PET117: variants seen among roughly 807,000 people sequenced by gnomAD.
The protein encoded by PET117 is PET117 cytochrome c oxidase chaperone.
In PET117, 10 loss-of-function variants were observed where a neutral mutation model predicts 9.2. The ratio of observed to expected loss-of-function variants is 1.09; its 90% CI spans 0.67 to 1.85. The LOEUF (loss-of-function observed/expected upper bound fraction) is 1.85, where lower values mean the gene tolerates loss of function less well. PET117 is among the 40% of genes most tolerant of loss of function. PET117 has a pLI of 0.00. For missense variants in PET117, 96 were observed against 98.2 expected, an observed-to-expected ratio of 0.98 and a Z score of 0.09; for synonymous variants, 43 against 37.1, an observed-to-expected ratio of 1.16 and a Z score of -0.57.
rs534526366 is a variant in PET117 at position 18,141,573 on chromosome 20, A to G, written c.97-635A>G. ...ACTCGCCAAGTTTTTAAAGCATTAC[A>G]TATCAATTAAACTTTAAAAATTTAA... On this transcript the variant is annotated intron_variant, in intron 1 of 1. Transcript: ENST00000432901. Among the ~76,000 whole-genome samples the G allele has an allele frequency of 1.6e-3, 239 of 152,340 alleles. 1 individual carries two copies. The highest frequency in any genetic ancestry group is 5.4e-3 in the African/African-American group (225 of 41,574).
intron 1 of PET117, among the ~76,000 whole-genome samples, chr20:18,141,038 TTTTTTTTTA>T (rs1568661506): frequency 1.3e-4 from 4 of 31,598 alleles, no homozygotes; most frequent in African/African-American, 2.3e-4. Flanking sequence ...TTTTTTTTTT[TTTTTTTTTA>T]TTTTTATTTT....
At chr20:18,139,318 T>C (rs960632701) in intron 1 of PET117, among the ~76,000 whole-genome samples, 1 of 152,156 alleles carries the variant, frequency 6.6e-6, no homozygotes, top group African/African-American at 2.4e-5. Context: ...CTGGGAAAAC[T>C]TGAGATGGAG....
At position 18,142,215 on chromosome 20, in the gene PET117, G is replaced by C. The variant is rs754616615; in HGVS notation, c.104G>C (p.Arg35Pro). ...VKQQWDQQRL[R>P]DGVIRDIERQ... ...TGTTTCTTACGTTTTTAGAGGCTTC[G>C]TGACGGAGTTATCAGAGACATTGAG... The change falls in exon 2 of 2, where the codon CGT becomes CCT. Residue 35 changes from arginine (R) to proline (P), a missense_variant. Transcript: ENST00000432901. The C allele has an allele frequency of 5.5e-5, 85 of 1,536,856 alleles. No individual in the cohort carries two copies. The highest frequency in any genetic ancestry group is 7.0e-5 in the Non-Finnish European group (80 of 1,146,784).
chr20:18,142,946 T>C lies in PET117; in HGVS notation c.*589T>C. On this transcript the variant is annotated 3_prime_UTR_variant, in exon 2 of 2. Transcript: ENST00000432901. Reference sequence around the variant, plus strand: ...TAAGGAGCTTCTCAATTCCTTTGATTTGTCAATTCCTGTGTGAAGGTTTGT... The same window carrying C: ...TAAGGAGCTTCTCAATTCCTTTGATCTGTCAATTCCTGTGTGAAGGTTTGT... 6.2e-7 allele frequency: 1 copy of C among 1,607,812 alleles called. No individual in the cohort carries two copies. The highest frequency in any genetic ancestry group is 8.5e-7 in the Non-Finnish European group (1 of 1,174,794).
At position 18,142,251 on chromosome 20, in the gene PET117, G is replaced by A. The variant is rs1365049283; in HGVS notation, c.140G>A (p.Arg47Gln). Residue 47 changes from arginine to glutamine, a missense_variant, in exon 2 of 2, where the codon CGG becomes CAG. Physicochemically the swap from Arg to Gln is conservative, Grantham distance 43. Transcript: ENST00000432901. ...GVIRDIERQI[R>Q]KKENIRLLGE... ...ATCAGAGACATTGAGAGGCAAATTC[G>A]GAAAAAAGAAAACATTCGTCTTTTG... The A allele has an allele frequency of 4.6e-6, 7 of 1,536,890 alleles. No homozygotes were observed. Among genetic ancestry groups the A allele is most frequent in the South Asian group, 2.4e-5 (2 of 84,054 alleles).
In PET117 at chr20:18,142,698, G is replaced by A. The variant is rs776626826; in HGVS notation, c.*341G>A. On this transcript the variant is annotated 3_prime_UTR_variant, in exon 2 of 2. Coordinates refer to ENST00000432901, the MANE Select transcript of PET117 (RefSeq NM_001164811.2). Reference sequence around the variant, plus strand: ...ATCCACCTGAGTAGTCTGATCAGTCGGCATGATGACGAAGCCACGAGAACA... The same window carrying A: ...ATCCACCTGAGTAGTCTGATCAGTCAGCATGATGACGAAGCCACGAGAACA... 12 of 1,614,158 alleles carry A rather than the reference G, an allele frequency of 7.4e-6. No homozygotes were observed. The highest frequency in any genetic ancestry group is 1.7e-5 in the Admixed American group (1 of 60,018).
rs776339670 is a variant in PET117 at position 18,142,298 on chromosome 20, G to A, written c.187G>A (p.Glu63Lys). 1.5e-5 allele frequency: 23 copies of A among 1,537,118 alleles called. No individual in the cohort carries two copies. Among genetic ancestry groups the A allele is most frequent in the Non-Finnish European group, 2.0e-5 (23 of 1,146,872 alleles). The part of the protein sequence containing the change: ...RLLGEQIILT[E>K]QLEAEREKML... ...TTTGGGAGAACAGATTATTTTGACT[G>A]AGCAACTTGAAGCAGAAAGAGAGAA... is the stretch of plus-strand genomic sequence containing the variant. The change falls in exon 2 of 2, where the codon GAG (glutamate) becomes AAG (lysine). Residue 63 changes from glutamate to lysine, a missense_variant. By Grantham distance (56) the Glu-to-Lys change is moderately conservative. Transcript: ENST00000432901.
chr20:18,139,166 C>T (rs2037423347), intron 1 of PET117, among the ~76,000 whole-genome samples: 1 of 152,070 alleles, frequency 6.6e-6, no homozygotes. Context: ...AGAATTTTGA[C>T]GAGGGGTTGA....
intron 1 of PET117, among the ~76,000 whole-genome samples, chr20:18,141,921 A>G (rs1339348099): frequency 1.3e-5 from 2 of 151,844 alleles, no homozygotes; most frequent in South Asian, 2.1e-4. Context: ...ACATAGTGCC[A>G]GTTTTTTTTT....
intron 1 of PET117, among the ~76,000 whole-genome samples, chr20:18,141,040 T>TA (rs1251093875): frequency 1.8e-5 from 1 of 55,152 alleles, no homozygotes; most frequent in Non-Finnish European, 3.5e-5. Flanking sequence ...TTTTTTTTTT[T>TA]TTTTTTATTT....
intron 1 of PET117, among the ~76,000 whole-genome samples, chr20:18,140,101 C>T (rs935524983): frequency 2.6e-5 from 4 of 152,018 alleles, no homozygotes; most frequent in Admixed American, 2.6e-4. Flanking sequence ...ATCATAAGCA[C>T]ACGTGACATC....
At chr20:18,139,070 A>ATAT (rs1409462509) in intron 1 of PET117, among the ~76,000 whole-genome samples, 1 of 152,208 alleles carries the variant, frequency 6.6e-6, no homozygotes, top group African/African-American at 2.4e-5. Flanking sequence ...TATGTGCTTG[A>ATAT]TATACAGAGA....
chr20:18,142,572 G>A lies in PET117; in HGVS notation c.*215G>A, dbSNP rs1180094994. ...GACACTTTTTGGAAGAGTCTGTCTG[G>A]GTGATCCTGGTAGAAGCCCCATTAG... is the stretch of plus-strand genomic sequence containing the variant. On this transcript the variant is annotated 3_prime_UTR_variant, in exon 2 of 2. Coordinates refer to ENST00000432901, the MANE Select transcript of PET117 (RefSeq NM_001164811.2). 3.8e-6 allele frequency: 6 copies of A among 1,561,140 alleles called. No homozygotes were observed. Among genetic ancestry groups the A allele is most frequent in the Non-Finnish European group, 5.2e-6 (6 of 1,152,040 alleles).
chr20:18,142,919 A>T lies in PET117; in HGVS notation c.*562A>T. The T allele has an allele frequency of 1.2e-6, 2 of 1,612,764 alleles. No homozygotes were observed. The highest frequency in any genetic ancestry group is 1.7e-6 in the Non-Finnish European group (2 of 1,178,734). ...CAAGTGCCAAAAATGGATACCAGCCAGTAAGGAGCTTCTCAATTCCTTTGA... is the reference window on the plus strand; with the variant it reads ...CAAGTGCCAAAAATGGATACCAGCCTGTAAGGAGCTTCTCAATTCCTTTGA... On this transcript the variant is annotated 3_prime_UTR_variant, in exon 2 of 2. Transcript: ENST00000432901.
At position 18,142,981 on chromosome 20, in the gene PET117, C is replaced by A; in HGVS notation, c.*624C>A. On this transcript the variant is annotated 3_prime_UTR_variant, in exon 2 of 2. Coordinates refer to ENST00000432901, the MANE Select transcript of PET117 (RefSeq NM_001164811.2). ...CTGTGTGAAGGTTTGTTTTTCCAAC[C>A]TGTGAAAGAAACGTGAATGTAAAAG... 1 of 1,582,406 alleles carries A rather than the reference C, an allele frequency of 6.3e-7. No individual in the cohort carries two copies. The highest frequency in any genetic ancestry group is 1.1e-5 in the South Asian group (1 of 88,236).
At position 18,142,811 on chromosome 20, in the gene PET117, T is replaced by C. The variant is rs773504576; in HGVS notation, c.*454T>C. ...CGAGGATCAGGCATCAGTGGACTTA[T>C]CGCACGACCAGAGTGGGGATTCCCT... On this transcript the variant is annotated 3_prime_UTR_variant, in exon 2 of 2. Transcript: ENST00000432901. 8.1e-6 allele frequency: 13 copies of C among 1,614,030 alleles called. No homozygotes were observed. Among genetic ancestry groups the C allele is most frequent in the South Asian group, 7.7e-5 (7 of 91,084 alleles).
chr20:18,137,979 G>T lies in PET117; in HGVS notation c.24G>T (p.Val8=). Reference sequence around the variant, plus strand: ...GGATGTCTAGGAGCTCGAAGGTGGTGCTGGGCCTCTCGGTGCTGCTGACGG... The same window carrying T: ...GGATGTCTAGGAGCTCGAAGGTGGTTCTGGGCCTCTCGGTGCTGCTGACGG... MSRSSKV[V]LGLSVLLTAA... Residue 8 remains valine, a synonymous_variant, in exon 1 of 2, where the codon GTG becomes GTT. Transcript: ENST00000432901. The T allele has an allele frequency of 1.3e-6, 2 of 1,506,034 alleles. No individual in the cohort carries two copies. The highest frequency in any genetic ancestry group is 1.8e-6 in the Non-Finnish European group (2 of 1,134,254). 93.3% of individuals were successfully genotyped at this position (1,506,034 alleles called of 1,614,324 possible).
intron 1 of PET117, among the ~76,000 whole-genome samples, chr20:18,140,314 G>C (rs1299237948): frequency 6.6e-6 from 1 of 152,100 alleles, no homozygotes; most frequent in Non-Finnish European, 1.5e-5. Flanking sequence ...CAAGACAGTT[G>C]TGTTTCAGTT....
At chr20:18,139,724 T>C (rs946930984) in intron 1 of PET117, among the ~76,000 whole-genome samples, 3 of 151,834 alleles carry the variant, frequency 2.0e-5, no homozygotes, top group African/African-American at 7.3e-5. Context: ...GCTTACATTG[T>C]ATTAATAGCA....
Sources: allele counts gnomAD v4.1 joint callset (sites outside exome capture counted in the v4.1 genomes callset), GRCh38; gene constraint gnomAD v4.1.1; transcripts MANE v1.5; gene names NCBI Gene and HGNC (gene_info 2026-07-23, HGNC 2026-07-21).